TFDP1: variants seen among roughly 807,000 people sequenced by gnomAD.
TFDP1 encodes transcription factor Dp-1.
In TFDP1, 6 loss-of-function variants were observed where a neutral mutation model predicts 48.0. The ratio of observed to expected loss-of-function variants is 0.13; its 90% CI spans 0.07 to 0.25. The LOEUF (loss-of-function observed/expected upper bound fraction) is 0.25, where lower values mean the gene tolerates loss of function less well. Ranked by LOEUF, TFDP1 falls within the 10% of genes least tolerant of loss-of-function variation. The pLI, the probability that TFDP1 is intolerant of heterozygous loss-of-function variation, is 1.00. For missense variants in TFDP1, 335 were observed against 543.0 expected, an observed-to-expected ratio of 0.62 and a Z score of 3.81; for synonymous variants, 201 against 211.6, an observed-to-expected ratio of 0.95 and a Z score of 0.44.
At chr13:113,630,170 C>A (rs2049297237) in intron 4 of TFDP1, among the ~76,000 whole-genome samples, 2 of 151,964 alleles carry the variant, frequency 1.3e-5, no homozygotes, top group Admixed American at 1.3e-4. Context: ...CACACACACA[C>A]ACACACACAC....
intron 2 of TFDP1, among the ~76,000 whole-genome samples, chr13:113,602,804 A>G (rs1333305287): frequency 6.6e-6 from 1 of 152,068 alleles, no homozygotes; most frequent in Non-Finnish European, 1.5e-5. Flanking sequence ...TGAACCTGTG[A>G]TGTCGGGACT....
At chr13:113,597,898 A>G (rs1304117905) in intron 2 of TFDP1, among the ~76,000 whole-genome samples, 1 of 152,130 alleles carries the variant, frequency 6.6e-6, no homozygotes, top group Non-Finnish European at 1.5e-5. Flanking sequence ...TTCCCTGGGC[A>G]CTGTTTAGAA....
At chr13:113,608,585 C>T (rs1214703285) in intron 2 of TFDP1, among the ~76,000 whole-genome samples, 1 of 152,206 alleles carries the variant, frequency 6.6e-6, no homozygotes, top group African/African-American at 2.4e-5. Flanking sequence ...GGCCGAGGCC[C>T]TTGACTCCTG....
chr13:113,610,961 T>C, intron 2 of TFDP1, 35 bp from the exon 3 acceptor site: 1 of 1,604,730 alleles, frequency 6.2e-7, no homozygotes, highest in South Asian at 1.1e-5. Flanking sequence ...CCCTTTTAGC[T>C]GTCATATTTA....
In TFDP1 at chr13:113,633,745, T is replaced by G; in HGVS notation, c.475-145T>G. The G allele has an allele frequency of 6.6e-6, 6 of 914,660 alleles. No individual in the cohort carries two copies. The highest frequency in any genetic ancestry group is 1.0e-5 in the Non-Finnish European group (6 of 600,976). The allele number at this position is 914,660 out of a possible 1,614,324, so 56.7% of individuals were successfully genotyped here. A position where few individuals can be genotyped will look rare whatever the true frequency, so the allele number is the denominator to read the frequency against. ...GCCCCGTCTTGCCCTGCGTCATCTGTGGGGTGGGAGCGCTCCCTGAGGGCA... is the reference window on the plus strand; with the variant it reads ...GCCCCGTCTTGCCCTGCGTCATCTGGGGGGTGGGAGCGCTCCCTGAGGGCA... On this transcript the variant is annotated intron_variant, in intron 6 of 11. Transcript: ENST00000375370. This position sits in a 1 kb window ranked among gnomAD's most constrained non-coding sequence, Gnocchi z 4.5.
chr13:113,633,320 G>A lies in TFDP1; in HGVS notation c.474+35G>A, dbSNP rs1378686286. 1 of 1,572,292 alleles carries A rather than the reference G, an allele frequency of 6.4e-7. No homozygotes were observed. Among genetic ancestry groups the A allele is most frequent in the Admixed American group, 1.7e-5 (1 of 57,528 alleles). ...TGCCGGGGGCCGAGAGGCTGGGGTG[G>A]CGGAGCCCAGCGGTGTGGTACGTTT... is the stretch of plus-strand genomic sequence containing the variant. On this transcript the variant is annotated intron_variant, in intron 6 of 11. Coordinates refer to ENST00000375370, the MANE Select transcript of TFDP1 (RefSeq NM_007111.5). The surrounding 1 kb of genome is among the most constrained non-coding windows in gnomAD (Gnocchi z 4.5).
chr13:113,620,707 T>C (rs1235616992), intron 3 of TFDP1, among the ~76,000 whole-genome samples: 3 of 152,258 alleles, frequency 2.0e-5, no homozygotes, highest in African/African-American at 4.8e-5. Context: ...TACTTTTCAA[T>C]TGAATATTCT....
rs1383333293 is a variant in TFDP1 at position 113,607,456 on chromosome 13, C to T, written c.13-3540C>T. 1.3e-5 allele frequency among the ~76,000 whole-genome samples: 2 copies of T among 152,240 alleles called. No homozygotes were observed. The highest frequency in any genetic ancestry group is 2.4e-5 in the African/African-American group (1 of 41,458). On this transcript the variant is annotated intron_variant, in intron 2 of 11. Coordinates refer to ENST00000375370, the MANE Select transcript of TFDP1 (RefSeq NM_007111.5). This position sits in a 1 kb window ranked among gnomAD's most constrained non-coding sequence, Gnocchi z 5.2. Reference sequence around the variant, plus strand: ...GGGTTTTTCCTGGAGCAAAATGATGCTTGTGGCAGACACAGTTGGAACCAC... The same window carrying T: ...GGGTTTTTCCTGGAGCAAAATGATGTTTGTGGCAGACACAGTTGGAACCAC...
intron 2 of TFDP1, among the ~76,000 whole-genome samples, chr13:113,603,205 G>C (rs937262899): frequency 1.3e-5 from 2 of 152,240 alleles, no homozygotes; most frequent in Non-Finnish European, 2.9e-5. Context: ...CCTGGCTGCT[G>C]TGTGTTGCTT....
At chr13:113,636,260 T>TG (rs1377271027) in intron 9 of TFDP1, 132 bp downstream of exon 9, 2 of 1,284,606 alleles carry the variant, frequency 1.6e-6, no homozygotes, top group Non-Finnish European at 2.2e-6. Flanking sequence ...TGCTGTCCAT[T>TG]GGGGGGTGGT....
chr13:113,612,861 C>T lies in TFDP1; in HGVS notation c.79+1799C>T, dbSNP rs146872965. Among the ~76,000 whole-genome samples the T allele has an allele frequency of 3.6e-4, 55 of 152,316 alleles. No homozygotes were observed. The East Asian group carries it at 8.3e-3, about 23-fold the overall frequency. The stretch of plus-strand genomic sequence containing the variant: ...TGGTTTTGAGCCGGCCCAGCAGGGC[C>T]GTGCATTTCCCCTCAGCTCGCCCCG... On this transcript the variant is annotated intron_variant, in intron 3 of 11. Coordinates refer to ENST00000375370, the MANE Select transcript of TFDP1 (RefSeq NM_007111.5).
In TFDP1 at chr13:113,640,168, G is replaced by A. The variant is rs199691334; in HGVS notation, c.1134G>A (p.Gly378=). 1.3e-5 allele frequency: 21 copies of A among 1,613,160 alleles called. No homozygotes were observed. Among genetic ancestry groups the A allele is most frequent in the Non-Finnish European group, 1.7e-5 (20 of 1,179,722 alleles). Residue 378 remains glycine, a synonymous_variant, in exon 12 of 12, where the codon GGG becomes GGA. Transcript: ENST00000375370. ...ADGMLATSSN[G]SQYSGSRVET... is the part of the protein sequence containing the mutation. ...GGATGCTGGCCACAAGCTCCAATGG[G>A]TCTCAGTACAGCGGCTCCAGGGTGG...
At chr13:113,601,305 T>TAAAGC (rs2048419361) in intron 2 of TFDP1, among the ~76,000 whole-genome samples, 4 of 90,996 alleles carry the variant, frequency 4.4e-5, no homozygotes, top group African/African-American at 2.8e-4. Flanking sequence ...TGCCCTGAGT[T>TAAAGC]GGTCTGGGCA....
At chr13:113,601,407 G>A (rs1202963135) in intron 2 of TFDP1, among the ~76,000 whole-genome samples, 1 of 152,236 alleles carries the variant, frequency 6.6e-6, no homozygotes, top group Non-Finnish European at 1.5e-5. Context: ...TTTGCCTTGT[G>A]GGCCCCTGCG....
At chr13:113,617,717 C>T (rs186373309) in intron 3 of TFDP1, among the ~76,000 whole-genome samples, 3 of 152,176 alleles carry the variant, frequency 2.0e-5, no homozygotes, top group African/African-American at 4.8e-5. Flanking sequence ...TTGTGCTTGG[C>T]CAGATAAGCA....
intron 2 of TFDP1, among the ~76,000 whole-genome samples, chr13:113,592,957 G>A (rs1292094261): frequency 6.6e-6 from 1 of 150,686 alleles, no homozygotes; most frequent in Non-Finnish European, 1.5e-5. Flanking sequence ...GGCGTGCTGT[G>A]TGCTGGTTCT....
rs552862924 is a variant in TFDP1 at position 113,623,412 on chromosome 13, C to A, written c.186+126C>A. On this transcript the variant is annotated intron_variant, in intron 4 of 11. Transcript: ENST00000375370. This position sits in a 1 kb window ranked among gnomAD's most constrained non-coding sequence, Gnocchi z 5.2. Reference sequence around the variant, plus strand: ...CTCCAGTTGCAGCATGGGGCCTTTCCCTCATCAGGGAGCCCGTGGCCAGTG... The same window carrying A: ...CTCCAGTTGCAGCATGGGGCCTTTCACTCATCAGGGAGCCCGTGGCCAGTG... 1.4e-3 allele frequency: 1,210 copies of A among 856,634 alleles called. 3 individuals are homozygous for A. Among genetic ancestry groups the A allele is most frequent in the Admixed American group, 2.4e-3 (102 of 42,348 alleles). The allele number at this position is 856,634 out of a possible 1,614,324, so 53.1% of individuals were successfully genotyped here. A position where few individuals can be genotyped will look rare whatever the true frequency, so the allele number is the denominator to read the frequency against.
chr13:113,611,334 A>G (rs1043444327), intron 3 of TFDP1, among the ~76,000 whole-genome samples: 24 of 152,266 alleles, frequency 1.6e-4, no homozygotes, highest in Non-Finnish European at 2.9e-4. Context: ...GTAAAGAAGA[A>G]ATAAAGATAG....
Position 113,633,790 on chromosome 13 carries a change from T to C in TFDP1, c.475-100T>C. ...AGGGCATGTTGGGGTGGCGGCTCCG[T>C]GAGCGGGGTGCCCCTTTGAGCCAGT... On this transcript the variant is annotated intron_variant, in intron 6 of 11. Transcript: ENST00000375370. This position sits in a 1 kb window ranked among gnomAD's most constrained non-coding sequence, Gnocchi z 4.5. 2 of 1,437,044 alleles carry C rather than the reference T, an allele frequency of 1.4e-6. No homozygotes were observed. Among genetic ancestry groups the C allele is most frequent in the South Asian group, 2.7e-5 (2 of 73,768 alleles). The allele number at this position is 1,437,044 out of a possible 1,614,324, so 89.0% of individuals were successfully genotyped here.
Sources: gnomAD v4.1 joint callset for allele counts (sites outside exome capture counted in the v4.1 genomes callset) on GRCh38, gnomAD v4.1.1 for gene constraint, Gnocchi (gnomAD v3.1) non-coding constraint, MANE v1.5 for transcripts, NCBI Gene and HGNC (gene_info 2026-07-23, HGNC 2026-07-21) for gene names.